HINT3: variants seen among roughly 807,000 people sequenced by gnomAD.
HINT3 encodes histidine triad nucleotide binding protein 3.
Under a neutral mutation model 19.1 loss-of-function variants are expected in HINT3, and 16 were observed. The ratio of observed to expected loss-of-function variants is 0.84; its 90% CI spans 0.57 to 1.27. The LOEUF is 1.27. Among genes scored for constraint, HINT3 ranks in the 50% most tolerant of loss-of-function variants. HINT3 has a pLI of 0.00. For synonymous variants in HINT3, 75 were observed against 84.8 expected, an observed-to-expected ratio of 0.88 and a Z score of 0.63; for missense variants, 197 against 225.8, an observed-to-expected ratio of 0.87 and a Z score of 0.82.
chr6:125,957,866 T>C (rs1788862595), intron 1 of HINT3, among the ~76,000 whole-genome samples: 3 of 152,214 alleles, frequency 2.0e-5, no homozygotes, highest in Non-Finnish European at 4.4e-5. Flanking sequence ...GAGAATTAGC[T>C]CCAAAGATTG....
intron 1 of HINT3, among the ~76,000 whole-genome samples, chr6:125,964,224 A>G (rs1388106764): frequency 6.6e-6 from 1 of 152,176 alleles, no homozygotes. Context: ...TATGCTACCA[A>G]CATGACATCC....
intron 1 of HINT3, among the ~76,000 whole-genome samples, chr6:125,963,955 G>A (rs1788980874): frequency 6.6e-6 from 1 of 152,162 alleles, no homozygotes; most frequent in Non-Finnish European, 1.5e-5. Context: ...TTTTTAAGGG[G>A]TAGAGAAGGG....
intron 1 of HINT3, 71 bp downstream of exon 1, chr6:125,957,249 C>T (rs1408697720): frequency 3.5e-6 from 5 of 1,440,606 alleles, no homozygotes; most frequent in African/African-American, 2.8e-5. Flanking sequence ...AGGGAGGCCT[C>T]GCCGTTGTGG....
chr6:125,968,380 A>G (rs1789047654), intron 2 of HINT3, among the ~76,000 whole-genome samples: 1 of 152,204 alleles, frequency 6.6e-6, no homozygotes, highest in Non-Finnish European at 1.5e-5. Flanking sequence ...TACATGGTAT[A>G]TATGTACCAC....
At chr6:125,967,354 C>T (rs1261226920) in intron 2 of HINT3, among the ~76,000 whole-genome samples, 9 of 106,916 alleles carry the variant, frequency 8.4e-5, no homozygotes, top group African/African-American at 3.0e-4. Flanking sequence ...TTTTTTGAGA[C>T]AGAATCTTGT....
intron 1 of HINT3, 137 bp from the exon 2 acceptor site, chr6:125,966,749 TA>T: frequency 1.9e-6 from 1 of 528,948 alleles, no homozygotes; most frequent in Non-Finnish European, 3.3e-6. Flanking sequence ...TGCGTAATTA[TA>T]AAATTGCCCA....
In HINT3 at chr6:125,978,815, A is replaced by G. The variant is rs1264638928; in HGVS notation, c.*1139A>G. On this transcript the variant is annotated 3_prime_UTR_variant, in exon 5 of 5. Transcript: ENST00000229633. ...TTTAAGTAACAAATTACTTATTACA[A>G]AGTTACAACATGTGGAATCAATAGT... 1 of 133,906 alleles carries G rather than the reference A, an allele frequency of 7.5e-6. No homozygotes were observed. The highest frequency in any genetic ancestry group is 2.4e-4 in the East Asian group (1 of 4,156). The allele number at this position is 133,906 out of a possible 1,614,324, so 8.3% of individuals were successfully genotyped here.
intron 1 of HINT3, among the ~76,000 whole-genome samples, chr6:125,959,538 G>C (rs540417570): frequency 6.6e-6 from 1 of 152,220 alleles, no homozygotes; most frequent in African/African-American, 2.4e-5. Flanking sequence ...CATTGACCTT[G>C]AGGAGAGCAA....
chr6:125,957,015 C>T lies in HINT3; in HGVS notation c.38C>T (p.Ala13Val), dbSNP rs1235899515. The T allele has an allele frequency of 4.5e-6, 7 of 1,550,458 alleles. No homozygotes were observed. Among genetic ancestry groups the T allele is most frequent in the East Asian group, 2.4e-5 (1 of 40,940 alleles). Reference sequence around the variant, plus strand: ...CAGGTGAACCGCAGCGCCGGCCTGGCCCCCGACTGTGAGGCCTCGGCGACT... The same window carrying T: ...CAGGTGAACCGCAGCGCCGGCCTGGTCCCCGACTGTGAGGCCTCGGCGACT... ...EEQVNRSAGLAPDCEASATAE... is the reference protein window; with the variant it reads ...EEQVNRSAGLVPDCEASATAE... The change falls in exon 1 of 5, where the codon GCC becomes GTC. Residue 13 changes from alanine to valine, a missense_variant. By Grantham distance (64) the Ala-to-Val change is moderately conservative. Transcript: ENST00000229633.
Position 125,967,065 on chromosome 6 carries a change from G to A in HINT3, c.319+61G>A, listed in dbSNP as rs903155075. The A allele has an allele frequency of 9.5e-6, 10 of 1,047,876 alleles. No homozygotes were observed. The African/African-American group carries it at 1.5e-4, about 15-fold the overall frequency. The allele number at this position is 1,047,876 out of a possible 1,614,324, so 64.9% of individuals were successfully genotyped here. A position where few individuals can be genotyped will look rare whatever the true frequency, so the allele number is the denominator to read the frequency against. ...TTTTCAGTTGGTATCAGTGATGGCAGTGAAGATTAAAAAGAAAAAGTCTAG... is the reference window on the plus strand; with the variant it reads ...TTTTCAGTTGGTATCAGTGATGGCAATGAAGATTAAAAAGAAAAAGTCTAG... On this transcript the variant is annotated intron_variant, in intron 2 of 4. Coordinates refer to ENST00000229633, the MANE Select transcript of HINT3 (RefSeq NM_138571.5).
chr6:125,960,738 A>G (rs1788912874), intron 1 of HINT3, among the ~76,000 whole-genome samples: 1 of 151,506 alleles, frequency 6.6e-6, no homozygotes, highest in Non-Finnish European at 1.5e-5. Context: ...TAGGAGAAGG[A>G]AGTAAAGACA....
chr6:125,972,211 A>T (rs1401168648), intron 2 of HINT3, 48 bp from the exon 3 acceptor site: 3 of 1,213,232 alleles, frequency 2.5e-6, no homozygotes, highest in Non-Finnish European at 3.6e-6. Context: ...GCAATTTGTG[A>T]CCTTAATGTC....
Position 125,957,166 on chromosome 6 carries a change from CCTG to C in HINT3, c.191_193del (p.Leu64del). On this transcript the variant is annotated inframe_deletion, in exon 1 of 5. Transcript: ENST00000229633. The stretch of plus-strand genomic sequence containing the variant: ...GGCGGCAGGACCCGGGCACCGAACT[CCTG>C]CACTGCGAGGTGGGCGGCGACGCGC... The C allele has an allele frequency of 1.3e-6, 2 of 1,546,280 alleles. No individual in the cohort carries two copies. The highest frequency in any genetic ancestry group is 3.9e-5 in the Admixed American group (2 of 50,900).
At position 125,972,311 on chromosome 6, in the gene HINT3, T is replaced by C. The variant is rs144919432; in HGVS notation, c.372T>C (p.Thr124=). 1 of 1,571,892 alleles carries C rather than the reference T, an allele frequency of 6.4e-7. No individual in the cohort carries two copies. Among genetic ancestry groups the C allele is most frequent in the African/African-American group, 1.4e-5 (1 of 72,248 alleles). The change falls in exon 3 of 5, where the codon ACT becomes ACC. Residue 124 remains threonine, a synonymous_variant. Coordinates refer to ENST00000229633, the MANE Select transcript of HINT3 (RefSeq NM_138571.5). Reference sequence around the variant, plus strand: ...CCATTCTTGAAAGAAATAATTTCACTGACTTCACGAATGTGAGGTGTGTAT... The same window carrying C: ...CCATTCTTGAAAGAAATAATTTCACCGACTTCACGAATGTGAGGTGTGTAT... ...GKTILERNNF[T]DFTNVRMGFH... is the part of the protein sequence containing the mutation.
At position 125,957,086 on chromosome 6, in the gene HINT3, A is replaced by C. The variant is rs1788847073; in HGVS notation, c.109A>C (p.Lys37Gln). 3.2e-6 allele frequency: 5 copies of C among 1,550,932 alleles called. No individual in the cohort carries two copies. The highest frequency in any genetic ancestry group is 4.4e-6 in the Non-Finnish European group (5 of 1,146,838). ...AGTGGGGACCTGTGAAGCCGCTGGC[A>C]AGTCACCAGAGCCCAAGGACTACGA... is the stretch of plus-strand genomic sequence containing the variant. ...SSVGTCEAAG[K>Q]SPEPKDYDST... The change falls in exon 1 of 5, where the codon AAG (lysine) becomes CAG (glutamine). Residue 37 changes from lysine to glutamine, a missense_variant. By Grantham distance (53) the Lys-to-Gln change is moderately conservative (BLOSUM62 1). Transcript: ENST00000229633.
In HINT3 at chr6:125,962,213, CATATATATATATATATATAT is replaced by C. The variant is rs1215154343; in HGVS notation, c.202-4672_202-4653del. ...ACATATATATATATATATATATACA[CATATATATATATATATATAT>C]ACACATATATATATATACACACATA... On this transcript the variant is annotated intron_variant, in intron 1 of 4. Transcript: ENST00000229633. 5.8e-4 allele frequency among the ~76,000 whole-genome samples: 21 copies of C among 36,292 alleles called. 1 individual carries two copies. The highest frequency in any genetic ancestry group is 0.013 in the Middle Eastern group (1 of 80). The allele number at this position is 36,292 out of a possible 152,430, so 23.8% of individuals were successfully genotyped here.
rs1789027971 is a variant in HINT3 at position 125,967,003 on chromosome 6, G to A, written c.318G>A (p.Leu106=). The A allele has an allele frequency of 6.4e-7, 1 of 1,552,068 alleles. No homozygotes were observed. Among genetic ancestry groups the A allele is most frequent in the Admixed American group, 1.7e-5 (1 of 59,132 alleles). ...CTCTAAGGAAAGATCAAGTAGAACTGGGTAAGATGATGGCAGTATTCTTCA... is the reference window on the plus strand; with the variant it reads ...CTCTAAGGAAAGATCAAGTAGAACTAGGTAAGATGATGGCAGTATTCTTCA... ...CRTLRKDQVE[L]VENMVTVGKT... is the part of the protein sequence containing the mutation. Residue 106 remains leucine (L), a splice_region_variant and synonymous_variant, in exon 2 of 5, where the codon CTG becomes CTA. Transcript: ENST00000229633.
chr6:125,958,783 A>G (rs1788876226), intron 1 of HINT3, among the ~76,000 whole-genome samples: 1 of 152,188 alleles, frequency 6.6e-6, no homozygotes, highest in Non-Finnish European at 1.5e-5. Context: ...GATAAAAGCC[A>G]GGGTTGCTAT....
intron 4 of HINT3, among the ~76,000 whole-genome samples, chr6:125,976,062 G>C (rs947962816): frequency 6.6e-6 from 1 of 152,148 alleles, no homozygotes; most frequent in Non-Finnish European, 1.5e-5. Context: ...TGATGACAAA[G>C]TGATCTGTAG....
Sources: allele counts gnomAD v4.1 joint callset (sites outside exome capture counted in the v4.1 genomes callset), GRCh38; gene constraint gnomAD v4.1.1; transcripts MANE v1.5; gene names NCBI Gene and HGNC (gene_info 2026-07-23, HGNC 2026-07-21).